PRKCE: variants seen among roughly 807,000 people sequenced by gnomAD.
PRKCE encodes protein kinase C epsilon type.
Under a neutral mutation model 85.4 loss-of-function variants are expected in PRKCE, and 16 were observed. The observed-to-expected ratio is 0.19, with a 90% confidence interval of 0.13 to 0.28. The LOEUF (loss-of-function observed/expected upper bound fraction) is 0.28, where lower values mean the gene tolerates loss of function less well. Ranked by LOEUF, PRKCE falls within the 10% of genes least tolerant of loss-of-function variation. The pLI is 1.00. For missense variants in PRKCE, 573 were observed against 975.2 expected, an observed-to-expected ratio of 0.59 and a Z score of 5.49; for synonymous variants, 388 against 371.5, an observed-to-expected ratio of 1.04 and a Z score of -0.51.
At chr2:46,142,589 G>A (rs1029165318) in intron 11 of PRKCE, among the ~76,000 whole-genome samples, 1 of 152,236 alleles carries the variant, frequency 6.6e-6, no homozygotes, top group African/African-American at 2.4e-5. Context: ...ATAGCCAAGG[G>A]CAGCTGCTGC....
rs1415907198 is a variant in PRKCE at position 46,186,748 on chromosome 2, G to A, written c.*1867G>A. 1.3e-5 allele frequency: 2 copies of A among 152,580 alleles called. No homozygotes were observed. The highest frequency in any genetic ancestry group is 2.1e-4 in the South Asian group (1 of 4,830). 9.5% of individuals were successfully genotyped at this position (152,580 alleles called of 1,614,324 possible). On this transcript the variant is annotated 3_prime_UTR_variant, in exon 15 of 15. Coordinates refer to ENST00000306156, the MANE Select transcript of PRKCE (RefSeq NM_005400.3). ...GTTTTTGATGGTGGTTTCAAAGCTCGGACAGTAACTATCTTGAGCCCATTA... is the reference window on the plus strand; with the variant it reads ...GTTTTTGATGGTGGTTTCAAAGCTCAGACAGTAACTATCTTGAGCCCATTA...
At chr2:45,671,410 TACAG>T (rs1676154120) in intron 1 of PRKCE, among the ~76,000 whole-genome samples, 2 of 152,196 alleles carry the variant, frequency 1.3e-5, no homozygotes, top group South Asian at 4.1e-4. Context: ...ACACACTAGG[TACAG>T]GAGGCCTAGG....
At chr2:45,747,615 A>G (rs1022083165) in intron 1 of PRKCE, among the ~76,000 whole-genome samples, 4 of 152,174 alleles carry the variant, frequency 2.6e-5, no homozygotes, top group Admixed American at 1.3e-4. Context: ...CCATTGATGG[A>G]TGCTTGGACT....
At chr2:46,073,141 T>C (rs1202746933) in intron 10 of PRKCE, among the ~76,000 whole-genome samples, 1 of 152,204 alleles carries the variant, frequency 6.6e-6, no homozygotes, top group Non-Finnish European at 1.5e-5. Flanking sequence ...ACAAAGAGTA[T>C]TTCTGTTCAC....
At chr2:45,936,064 G>A (rs138663349) in intron 2 of PRKCE, among the ~76,000 whole-genome samples, 210 of 152,258 alleles carry the variant, frequency 1.4e-3, no homozygotes, top group Admixed American at 2.4e-3. Context: ...GCTCTGTTAG[G>A]AGCCAGCCTG....
Position 45,980,420 on chromosome 2 carries a change from C to T in PRKCE, c.693+39C>T, listed in dbSNP as rs190015406. The T allele has an allele frequency of 2.4e-4, 373 of 1,570,714 alleles. 2 individuals carry two copies. In the East Asian group the frequency reaches 6.3e-3, roughly 27 times the overall value. On this transcript the variant is annotated intron_variant, in intron 5 of 14. Coordinates refer to ENST00000306156, the MANE Select transcript of PRKCE (RefSeq NM_005400.3). Reference sequence around the variant, plus strand: ...ACACGGAAATTCTGGGCTTCTTCACCGCCAGCCCCTCCCTTCACTGCCTCT... The same window carrying T: ...ACACGGAAATTCTGGGCTTCTTCACTGCCAGCCCCTCCCTTCACTGCCTCT...
At chr2:45,733,155 C>G (rs2104568269) in intron 1 of PRKCE, among the ~76,000 whole-genome samples, 1 of 152,356 alleles carries the variant, frequency 6.6e-6, no homozygotes, top group South Asian at 2.1e-4. Flanking sequence ...ACTCCTCTCT[C>G]AGAAGCTGGC....
At chr2:46,179,816 C>A (rs1444308884) in intron 14 of PRKCE, among the ~76,000 whole-genome samples, 1 of 152,126 alleles carries the variant, frequency 6.6e-6, no homozygotes, top group Non-Finnish European at 1.5e-5. Flanking sequence ...GGCTCTAGGC[C>A]CTTCATGAAT....
intron 1 of PRKCE, among the ~76,000 whole-genome samples, chr2:45,748,412 C>G (rs1683302476): frequency 6.6e-6 from 1 of 152,248 alleles, no homozygotes; most frequent in Non-Finnish European, 1.5e-5. Context: ...TGAGAGAGCG[C>G]AAGCAAGCTT....
intron 5 of PRKCE, 116 bp downstream of exon 5, chr2:45,980,497 T>C: frequency 1.0e-6 from 1 of 982,634 alleles, no homozygotes; most frequent in South Asian, 1.5e-5. Context: ...CATTTCATTG[T>C]GTTGATAAAA....
At chr2:45,902,871 A>G (rs1372858389) in intron 2 of PRKCE, among the ~76,000 whole-genome samples, 1 of 152,224 alleles carries the variant, frequency 6.6e-6, no homozygotes, top group African/African-American at 2.4e-5. Context: ...AAGTTTGGAT[A>G]GTGCTTGAGT....
chr2:46,004,400 C>A lies in PRKCE; in HGVS notation c.967-142C>A. 1 of 715,166 alleles carries A rather than the reference C, an allele frequency of 1.4e-6. No homozygotes were observed. The highest frequency in any genetic ancestry group is 2.3e-6 in the Non-Finnish European group (1 of 426,814). The allele number at this position is 715,166 out of a possible 1,614,324, so 44.3% of individuals were successfully genotyped here. A position where few individuals can be genotyped will look rare whatever the true frequency, so the allele number is the denominator to read the frequency against. ...TTCATTTTGGCTACTTTGGCGATGG[C>A]TGCAAGAGGACAGAGATCTACTGAA... On this transcript the variant is annotated intron_variant, in intron 7 of 14. Coordinates refer to ENST00000306156, the MANE Select transcript of PRKCE (RefSeq NM_005400.3). This position sits in a 1 kb window ranked among gnomAD's most constrained non-coding sequence, Gnocchi z 4.1.
At chr2:45,894,594 T>C (rs147313294) in intron 2 of PRKCE, among the ~76,000 whole-genome samples, 169 of 152,202 alleles carry the variant, frequency 1.1e-3, no homozygotes, top group African/African-American at 3.9e-3. Context: ...TGATACATTT[T>C]CTGGAGTGGA....
intron 10 of PRKCE, among the ~76,000 whole-genome samples, chr2:46,039,014 G>A (rs140502041): frequency 1.3e-3 from 193 of 152,234 alleles, no homozygotes; most frequent in Non-Finnish European, 1.8e-3. Flanking sequence ...CTGTTAAAAT[G>A]CAATTTAGCG....
At chr2:45,683,831 G>A (rs1391535436) in intron 1 of PRKCE, among the ~76,000 whole-genome samples, 1 of 152,228 alleles carries the variant, frequency 6.6e-6, no homozygotes, top group Non-Finnish European at 1.5e-5. Context: ...GGTGGTAGAT[G>A]TTCCTGTTTC....
intron 1 of PRKCE, among the ~76,000 whole-genome samples, chr2:45,836,259 G>C (rs1030357770): frequency 3.9e-5 from 6 of 152,176 alleles, no homozygotes; most frequent in Admixed American, 3.9e-4. Context: ...TGAGAAAAAC[G>C]ATCTGCCCCT....
intron 2 of PRKCE, among the ~76,000 whole-genome samples, chr2:45,974,960 CTT>C (rs1265064967): frequency 6.6e-6 from 1 of 152,168 alleles, no homozygotes; most frequent in Non-Finnish European, 1.5e-5. Flanking sequence ...CAGCTGGACT[CTT>C]TGGTGATGAA....
chr2:46,117,267 C>A (rs556606747), intron 11 of PRKCE, among the ~76,000 whole-genome samples: 1 of 152,184 alleles, frequency 6.6e-6, no homozygotes, highest in African/African-American at 2.4e-5. Flanking sequence ...ACTTCATTCT[C>A]AGGGCAAAAA....
At chr2:45,744,908 C>T (rs12995580) in intron 1 of PRKCE, among the ~76,000 whole-genome samples, 36,268 of 152,152 alleles carry the variant, frequency 0.24, 5,417 homozygotes, top group Non-Finnish European at 0.34. Flanking sequence ...CGCACCCAGC[C>T]ATTTGCCTAG....
Sources: allele counts gnomAD v4.1 joint callset (sites outside exome capture counted in the v4.1 genomes callset), GRCh38; gene constraint gnomAD v4.1.1; non-coding constraint Gnocchi (gnomAD v3.1); transcripts MANE v1.5; gene names NCBI Gene and HGNC (gene_info 2026-07-23, HGNC 2026-07-21).